The following NEBL variants were observed in gnomAD, a reference collection of about 807,000 sequenced individuals.
NEBL encodes LIM and SH3 protein 2.
In NEBL, 122 loss-of-function variants were observed where a neutral mutation model predicts 140.2. That is an observed-to-expected ratio of 0.87 (90% CI 0.75 to 1.01). NEBL has a LOEUF of 1.01. NEBL is among the 50% of genes least tolerant of loss of function. NEBL has a pLI of 0.00. For synonymous variants in NEBL, 436 were observed against 398.9 expected, an observed-to-expected ratio of 1.09 and a Z score of -1.11; for missense variants, 1,365 against 1,231.3, an observed-to-expected ratio of 1.11 and a Z score of -1.62.
intron 3 of NEBL, among the ~76,000 whole-genome samples, chr10:21,198,803 C>T (rs1841690576): frequency 6.6e-6 from 1 of 151,888 alleles, no homozygotes; most frequent in Admixed American, 6.6e-5. Flanking sequence ...AGACCTTCCC[C>T]TATTATTCTC....
intron 3 of NEBL, among the ~76,000 whole-genome samples, chr10:21,001,928 C>T (rs1439008933): frequency 6.6e-6 from 1 of 152,166 alleles, no homozygotes; most frequent in South Asian, 2.1e-4. Flanking sequence ...ACACTTATTT[C>T]TCATTTGTGG....
chr10:20,995,087 G>A (rs186792810), intron 3 of NEBL, among the ~76,000 whole-genome samples: 4 of 152,274 alleles, frequency 2.6e-5, no homozygotes, highest in East Asian at 1.9e-4. Flanking sequence ...GAGAAAACAC[G>A]GAGGGCATGG....
At chr10:21,049,074 T>C (rs1337376456) in intron 2 of NEBL, among the ~76,000 whole-genome samples, 1 of 151,342 alleles carries the variant, frequency 6.6e-6, no homozygotes, top group East Asian at 1.9e-4. Flanking sequence ...AAGAACTTAA[T>C]CTCTTTTCTC....
chr10:20,952,458 A>C (rs1228475214), intron 4 of NEBL, among the ~76,000 whole-genome samples: 4 of 151,454 alleles, frequency 2.6e-5, no homozygotes, highest in Non-Finnish European at 5.9e-5. Context: ...AAAAAAAAAA[A>C]AGAACTGGAA....
At chr10:20,877,785 G>A (rs545635234) in intron 5 of NEBL, among the ~76,000 whole-genome samples, 2 of 152,206 alleles carry the variant, frequency 1.3e-5, no homozygotes, top group African/African-American at 2.4e-5. Context: ...ACCAATCTGT[G>A]GGCCCTATGT....
In NEBL at chr10:21,134,477, T is replaced by A. The variant is rs540314287; in HGVS notation, c.164+37906A>T. Among the ~76,000 whole-genome samples the A allele has an allele frequency of 2.0e-4, 30 of 152,342 alleles. 1 individual carries two copies. The South Asian group carries it at 5.6e-3, about 28-fold the overall frequency. On this transcript the variant is annotated intron_variant, in intron 2 of 6. Transcript: ENST00000417816. The stretch of plus-strand genomic sequence containing the variant: ...ATTTGTTTCCAGAATTTTCTGCATA[T>A]GTTTCCTAAATTTTAGAAGACACTA...
At chr10:20,792,754 C>T (rs932844444) in intron 26 of NEBL, among the ~76,000 whole-genome samples, 3 of 150,922 alleles carry the variant, frequency 2.0e-5, no homozygotes, top group African/African-American at 4.9e-5. Flanking sequence ...GAGCTGAGAT[C>T]GTGCCTTTTC....
chr10:20,941,532 G>A (rs1834866510), intron 4 of NEBL, among the ~76,000 whole-genome samples: 2 of 151,902 alleles, frequency 1.3e-5, no homozygotes, highest in African/African-American at 4.8e-5. Context: ...ACAAGACAGG[G>A]ATGCCCTCTC....
chr10:20,843,151 A>G (rs1224303810), intron 12 of NEBL, among the ~76,000 whole-genome samples: 14 of 152,032 alleles, frequency 9.2e-5, no homozygotes, highest in Admixed American at 9.2e-4. Flanking sequence ...TAAGATTAAT[A>G]TCTCTAAAGG....
At chr10:21,035,609 G>T (rs1280974618) in intron 2 of NEBL, among the ~76,000 whole-genome samples, 1 of 152,122 alleles carries the variant, frequency 6.6e-6, no homozygotes, top group Non-Finnish European at 1.5e-5. Context: ...TCAGTGCCTT[G>T]AATCAGGAGA....
intron 3 of NEBL, among the ~76,000 whole-genome samples, chr10:21,240,329 C>T (rs1194550895): frequency 2.0e-5 from 3 of 152,072 alleles, no homozygotes; most frequent in East Asian, 1.9e-4. Context: ...GAAAATCAAT[C>T]GCTTGGTTCA....
At chr10:21,060,811 C>T (rs1835240149) in intron 2 of NEBL, among the ~76,000 whole-genome samples, 3 of 152,102 alleles carry the variant, frequency 2.0e-5, no homozygotes, top group Admixed American at 2.0e-4. Flanking sequence ...ATTGCTCAAT[C>T]CAACCGTCAA....
In NEBL at chr10:20,787,245, G is replaced by A. The variant is rs759398486; in HGVS notation, c.2825C>T (p.Thr942Ile). The change falls in exon 27 of 28, where the codon ACC (threonine) becomes ATC (isoleucine). Residue 942 changes from threonine to isoleucine, a missense_variant. Coordinates refer to ENST00000377122, the MANE Select transcript of NEBL (RefSeq NM_006393.3). ...HSQGYGYMHQ[T>I]SVSSMRSMQH... ...CATTGATCTCATGGATGACACACTG[G>A]TCTGGTGCATGTAGCCATAGCCTTG... is the stretch of plus-strand genomic sequence containing the variant. 1.2e-6 allele frequency: 2 copies of A among 1,613,540 alleles called. No individual in the cohort carries two copies. The highest frequency in any genetic ancestry group is 1.3e-5 in the African/African-American group (1 of 75,006).
intron 9 of NEBL, among the ~76,000 whole-genome samples, chr10:20,853,398 T>C (rs889630093): frequency 6.6e-6 from 1 of 152,132 alleles, no homozygotes; most frequent in African/African-American, 2.4e-5. Context: ...AATTGTTTCA[T>C]TAGCAACCTA....
At chr10:21,087,680 G>A (rs1320084424) in intron 2 of NEBL, among the ~76,000 whole-genome samples, 2 of 152,144 alleles carry the variant, frequency 1.3e-5, no homozygotes, top group Non-Finnish European at 2.9e-5. Flanking sequence ...TTGGAATTTG[G>A]AATGTGTGAC....
chr10:20,869,785 T>C lies in NEBL; in HGVS notation c.537A>G (p.Arg179=), dbSNP rs562815398. 2.2e-5 allele frequency: 36 copies of C among 1,613,644 alleles called. No homozygotes were observed. The African/African-American group carries it at 3.7e-4, about 17-fold the overall frequency. The change falls in exon 6 of 28, where the codon CGA becomes CGG. Residue 179 remains arginine (R), a synonymous_variant. Transcript: ENST00000377122. ...TCTGGGTTGCCATCTTGATGTCTGGTCGGTCAAGTTCTGCACTGTACGTGT... is the reference window on the plus strand; with the variant it reads ...TCTGGGTTGCCATCTTGATGTCTGGCCGGTCAAGTTCTGCACTGTACGTGT... ...DTHTYSAELD[R]PDIKMATQIS... is the part of the protein sequence containing the mutation.
At chr10:20,797,280 G>A (rs1836645561) in intron 26 of NEBL, among the ~76,000 whole-genome samples, 1 of 152,204 alleles carries the variant, frequency 6.6e-6, no homozygotes, top group Admixed American at 6.5e-5. Context: ...CTAGAAATAT[G>A]TATTGGATCA....
At chr10:21,283,677 A>G (rs2132300252) in intron 1 of NEBL, among the ~76,000 whole-genome samples, 1 of 152,282 alleles carries the variant, frequency 6.6e-6, no homozygotes, top group Middle Eastern at 3.4e-3. Flanking sequence ...AAACCTATTA[A>G]TATTTCTGCA....
At chr10:20,979,330 A>G (rs1213012303) in intron 3 of NEBL, among the ~76,000 whole-genome samples, 1 of 152,162 alleles carries the variant, frequency 6.6e-6, no homozygotes, top group Non-Finnish European at 1.5e-5. Context: ...ATGAAGAAAA[A>G]AAAAAGAAAA....
Sources: allele counts gnomAD v4.1 joint callset (sites outside exome capture counted in the v4.1 genomes callset), GRCh38; gene constraint gnomAD v4.1.1; transcripts MANE v1.5; gene names NCBI Gene and HGNC (gene_info 2026-07-23, HGNC 2026-07-21).